Variants in GPHN observed in about 807,000 individuals in gnomAD.
GPHN encodes gephyrin.
A neutral mutation model predicts 95.5 loss-of-function variants in GPHN; 17 were observed. The ratio of observed to expected loss-of-function variants is 0.18; its 90% CI spans 0.12 to 0.27. GPHN has a LOEUF of 0.27. GPHN is among the 10% of genes least tolerant of loss of function. GPHN has a pLI of 1.00. For missense variants in GPHN, 660 were observed against 978.1 expected, an observed-to-expected ratio of 0.67 and a Z score of 4.34; for synonymous variants, 320 against 322.5, an observed-to-expected ratio of 0.99 and a Z score of 0.08.
At chr14:67,704,997 G>C in the GPHN span, among the ~76,000 whole-genome samples, 3 of 152,170 alleles carry the variant, frequency 2.0e-5, no homozygotes, top group East Asian at 5.8e-4. Context: ...AGTCCAGGGA[G>C]GTCACTCTGA....
chr14:67,223,830 C>T, the GPHN span: 3 of 985,646 alleles, frequency 3.0e-6, no homozygotes, highest in Admixed American at 1.2e-4. Context: ...CACCTGTTCC[C>T]CTTCCATACA....
At chr14:66,590,431 GAGA>G (rs2061591714) in intron 1 of GPHN, among the ~76,000 whole-genome samples, 2 of 152,220 alleles carry the variant, frequency 1.3e-5, no homozygotes, top group South Asian at 4.2e-4. Context: ...GAAGAAAAGA[GAGA>G]AGAATTAAAC....
the GPHN span, among the ~76,000 whole-genome samples, chr14:67,540,625 C>CAA: frequency 0.097 from 11,912 of 123,080 alleles, 584 homozygotes; most frequent in Middle Eastern, 0.15. Flanking sequence ...GACTCTCCCT[C>CAA]AAAAAAAAAA....
At chr14:66,806,125 A>G (rs941697108) in intron 3 of GPHN, among the ~76,000 whole-genome samples, 10 of 152,278 alleles carry the variant, frequency 6.6e-5, no homozygotes, top group African/African-American at 1.2e-4. Flanking sequence ...CGCAAGCTCA[A>G]TACCACATGG....
the GPHN span, among the ~76,000 whole-genome samples, chr14:67,340,692 T>G: frequency 1.3e-5 from 2 of 152,010 alleles, no homozygotes; most frequent in African/African-American, 4.8e-5. Flanking sequence ...CCTCCCCCTC[T>G]CCCTCTCCCC....
the GPHN span, among the ~76,000 whole-genome samples, chr14:67,607,669 CGTGA>C: frequency 2.0e-5 from 3 of 152,090 alleles, no homozygotes; most frequent in Non-Finnish European, 2.9e-5. Context: ...CCGGCCTGGA[CGTGA>C]GTATTTTTAA....
At chr14:67,695,672 A>G in the GPHN span, 38 of 1,614,114 alleles carry the variant, frequency 2.4e-5, no homozygotes, top group Non-Finnish European at 3.1e-5. Context: ...GGGCAGAAGG[A>G]GGAGCAACAG....
the GPHN span, among the ~76,000 whole-genome samples, chr14:67,607,123 GTATA>G: frequency 4.9e-3 from 739 of 152,110 alleles, 35 homozygotes; most frequent in East Asian, 0.082. Context: ...AATTTGAGAA[GTATA>G]TATATAACTC....
intron 9 of GPHN, among the ~76,000 whole-genome samples, chr14:66,975,374 T>C (rs763463630): frequency 2.6e-5 from 4 of 152,228 alleles, no homozygotes; most frequent in Non-Finnish European, 5.9e-5. Flanking sequence ...ATATTTTACA[T>C]TGACAGCAGG....
At chr14:67,508,717 G>GCACTCCA in the GPHN span, among the ~76,000 whole-genome samples, 1 of 121,346 alleles carries the variant, frequency 8.2e-6, no homozygotes, top group South Asian at 2.9e-4. Flanking sequence ...TTGTGCCACT[G>GCACTCCA]CACTCCAGCC....
chr14:67,732,943 A>G, the GPHN span, among the ~76,000 whole-genome samples: 18,376 of 152,044 alleles, frequency 0.12, 1,149 homozygotes, highest in Admixed American at 0.14. Context: ...GACTTTTATA[A>G]TTAGAAAAAA....
chr14:67,641,580 TAATC>T, the GPHN span, among the ~76,000 whole-genome samples: 1 of 152,238 alleles, frequency 6.6e-6, no homozygotes, highest in Non-Finnish European at 1.5e-5. Flanking sequence ...ATCTTGTAAA[TAATC>T]AATAAATATT....
chr14:66,532,848 T>C (rs2058998591), intron 1 of GPHN, among the ~76,000 whole-genome samples: 1 of 152,226 alleles, frequency 6.6e-6, no homozygotes, highest in South Asian at 2.1e-4. Flanking sequence ...AACACTTCCC[T>C]AATTATTTAC....
the GPHN span, among the ~76,000 whole-genome samples, chr14:67,451,730 G>C: frequency 1.8e-3 from 281 of 152,308 alleles, no homozygotes; most frequent in Non-Finnish European, 3.2e-3. Flanking sequence ...GAAGGGGCTT[G>C]CCTTGTCTTG....
At chr14:66,837,600 TAAATAAATAAATAA>T (rs1347588992) in intron 4 of GPHN, among the ~76,000 whole-genome samples, 15 of 136,292 alleles carry the variant, frequency 1.1e-4, no homozygotes, top group African/African-American at 4.5e-4. Context: ...ATAATAAAAA[TAAATAAATAAATAA>T]AAATAAATAA....
the GPHN span, among the ~76,000 whole-genome samples, chr14:67,439,585 C>CT: frequency 1.5e-5 from 2 of 132,322 alleles, no homozygotes; most frequent in African/African-American, 6.3e-5. Flanking sequence ...TTCTTTCTTT[C>CT]TTTCTTTCTT....
chr14:67,391,230 G>A, the GPHN span, among the ~76,000 whole-genome samples: 53 of 151,546 alleles, frequency 3.5e-4, no homozygotes, highest in Non-Finnish European at 6.5e-4. Flanking sequence ...AGCAAGAAAC[G>A]ATCAATTATA....
chr14:67,629,536 A>G, the GPHN span, among the ~76,000 whole-genome samples: 1 of 152,176 alleles, frequency 6.6e-6, no homozygotes, highest in Non-Finnish European at 1.5e-5. Context: ...GGGAGAAGGA[A>G]ATGGGGAGTT....
the GPHN span, chr14:67,208,298 A>C: frequency 2.1e-4 from 337 of 1,613,922 alleles, 1 homozygote; most frequent in Non-Finnish European, 1.8e-4. Context: ...CATCTCAAAC[A>C]TAACACTGAC....
Sources: allele counts gnomAD v4.1 joint callset (sites outside exome capture counted in the v4.1 genomes callset), GRCh38; gene constraint gnomAD v4.1.1; transcripts MANE v1.5; gene names NCBI Gene and HGNC (gene_info 2026-07-23, HGNC 2026-07-21).